RSRC1: variants seen among roughly 807,000 people sequenced by gnomAD.
The protein encoded by RSRC1 is serine/Arginine-related protein 53.
RSRC1 carries 39 observed loss-of-function variants against 49.1 expected under a neutral mutation model. The ratio of observed to expected loss-of-function variants is 0.79; its 90% CI spans 0.61 to 1.04. The LOEUF is 1.04. Ranked by LOEUF, RSRC1 falls within the 50% of genes least tolerant of loss-of-function variation. RSRC1 has a pLI of 0.00. For missense variants in RSRC1, 388 were observed against 402.4 expected, an observed-to-expected ratio of 0.96 and a Z score of 0.31; for synonymous variants, 143 against 130.8, an observed-to-expected ratio of 1.09 and a Z score of -0.63.
intron 6 of RSRC1, among the ~76,000 whole-genome samples, chr3:158,402,354 C>T (rs770672632): frequency 2.0e-5 from 3 of 151,624 alleles, no homozygotes; most frequent in Admixed American, 1.3e-4. Flanking sequence ...TTATAAACTT[C>T]GTATGTCCAT....
intron 4 of RSRC1, among the ~76,000 whole-genome samples, chr3:158,241,209 A>G (rs1723556247): frequency 6.6e-6 from 1 of 152,170 alleles, no homozygotes; most frequent in Non-Finnish European, 1.5e-5. Flanking sequence ...GCACTTTGGG[A>G]AGCCAAGGTG....
Position 158,196,789 on chromosome 3 carries a change from A to G in RSRC1, c.321-6283A>G, listed in dbSNP as rs995961574. Among the ~76,000 whole-genome samples the G allele has an allele frequency of 8.5e-5, 13 of 152,238 alleles. 1 individual carries two copies. The South Asian group carries it at 2.5e-3, about 29-fold the overall frequency. ...GGTTTTTGTCATTGGTTCTGTTAAT[A>G]TGCTGGATTATGCTTATTGATTTGT... On this transcript the variant is annotated intron_variant, in intron 3 of 9. Transcript: ENST00000611884.
At chr3:158,195,900 G>A (rs1197025762) in intron 3 of RSRC1, among the ~76,000 whole-genome samples, 3 of 151,940 alleles carry the variant, frequency 2.0e-5, no homozygotes, top group East Asian at 1.9e-4. Flanking sequence ...GGTTACTGTA[G>A]CCTTGTAGTA....
At chr3:158,404,500 T>C (rs904348471) in intron 6 of RSRC1, among the ~76,000 whole-genome samples, 3 of 151,982 alleles carry the variant, frequency 2.0e-5, no homozygotes, top group African/African-American at 2.4e-5. Context: ...TTGGGTCAAT[T>C]GTTTTGTCGT....
chr3:158,423,646 GAATCTGTAAATTACCTTGGGC>G (rs1735217244), intron 6 of RSRC1, among the ~76,000 whole-genome samples: 1 of 152,110 alleles, frequency 6.6e-6, no homozygotes, highest in Non-Finnish European at 1.5e-5. Context: ...GGATGGCATT[GAATCTGTAAATTACCTTGGGC>G]AGTATGGCCA....
intron 7 of RSRC1, among the ~76,000 whole-genome samples, chr3:158,473,107 G>T (rs1046583973): frequency 6.6e-6 from 1 of 152,128 alleles, no homozygotes; most frequent in Non-Finnish European, 1.5e-5. Context: ...ACAGTGTGGC[G>T]ATTCCTCGTG....
chr3:158,172,939 T>C (rs143615982), intron 3 of RSRC1, among the ~76,000 whole-genome samples: 6 of 152,216 alleles, frequency 3.9e-5, no homozygotes, highest in African/African-American at 1.2e-4. Flanking sequence ...TTCTTTTTTA[T>C]CCCCTTTGTA....
At chr3:158,197,122 A>G (rs185551113) in intron 3 of RSRC1, among the ~76,000 whole-genome samples, 5 of 152,284 alleles carry the variant, frequency 3.3e-5, no homozygotes, top group Admixed American at 1.3e-4. Context: ...CTGTGAATCC[A>G]TCTGGTCCTG....
At chr3:158,343,882 A>G (rs960592879) in intron 5 of RSRC1, among the ~76,000 whole-genome samples, 1 of 152,220 alleles carries the variant, frequency 6.6e-6, no homozygotes, top group Admixed American at 6.5e-5. Flanking sequence ...AGGAAGCAGC[A>G]GAAAAAGAGA....
chr3:158,397,174 G>A (rs974546800), intron 6 of RSRC1, among the ~76,000 whole-genome samples: 2 of 152,048 alleles, frequency 1.3e-5, no homozygotes, highest in African/African-American at 4.8e-5. Flanking sequence ...CAATTCTTAG[G>A]GAAGCATCTG....
At chr3:158,289,909 G>GTCTTTCTA (rs1726817069) in intron 4 of RSRC1, among the ~76,000 whole-genome samples, 1 of 143,502 alleles carries the variant, frequency 7.0e-6, no homozygotes, top group Non-Finnish European at 1.5e-5. Context: ...AAATTTATCT[G>GTCTTTCTA]TCTTTCTATC....
At chr3:158,421,604 A>G (rs1735059770) in intron 6 of RSRC1, among the ~76,000 whole-genome samples, 1 of 151,882 alleles carries the variant, frequency 6.6e-6, no homozygotes, top group Admixed American at 6.6e-5. Flanking sequence ...GGTTGTGAGA[A>G]GGTGAAATGA....
At chr3:158,503,602 G>A (rs1739712525) in intron 7 of RSRC1, among the ~76,000 whole-genome samples, 1 of 152,124 alleles carries the variant, frequency 6.6e-6, no homozygotes, top group Admixed American at 6.5e-5. Context: ...CCAGGTCAAT[G>A]AAGTTGAGTA....
chr3:158,144,126 G>T (rs1053906129), intron 3 of RSRC1, among the ~76,000 whole-genome samples: 1 of 152,114 alleles, frequency 6.6e-6, no homozygotes, highest in Non-Finnish European at 1.5e-5. Flanking sequence ...TTCAGAAATA[G>T]AAATTTTTTT....
chr3:158,522,426 C>T (rs948782792), intron 7 of RSRC1, among the ~76,000 whole-genome samples: 2 of 152,058 alleles, frequency 1.3e-5, no homozygotes, highest in Non-Finnish European at 2.9e-5. Context: ...TCCACCACAG[C>T]CTTCCAAACA....
chr3:158,192,757 G>GAT (rs1720321025), intron 3 of RSRC1, among the ~76,000 whole-genome samples: 1 of 152,044 alleles, frequency 6.6e-6, no homozygotes. Flanking sequence ...GATGATAGGT[G>GAT]ATATGGTCTT....
chr3:158,364,482 T>G (rs1731649243), intron 6 of RSRC1, among the ~76,000 whole-genome samples: 2 of 152,198 alleles, frequency 1.3e-5, no homozygotes, highest in South Asian at 4.1e-4. Context: ...TTATATTGTT[T>G]CACTAACAAA....
chr3:158,114,934 T>C, intron 1 of RSRC1, among the ~76,000 whole-genome samples: 1 of 152,218 alleles, frequency 6.6e-6, no homozygotes, highest in East Asian at 1.9e-4. Flanking sequence ...TATAGGATTA[T>C]GTCATCTGCA....
intron 4 of RSRC1, among the ~76,000 whole-genome samples, chr3:158,211,826 A>G (rs1721696107): frequency 7.2e-6 from 1 of 138,292 alleles, no homozygotes; most frequent in Non-Finnish European, 1.6e-5. Flanking sequence ...AATGGTCATC[A>G]TTTTATTTTT....
Sources: gnomAD v4.1 joint callset for allele counts (sites outside exome capture counted in the v4.1 genomes callset) on GRCh38, gnomAD v4.1.1 for gene constraint, MANE v1.5 for transcripts, NCBI Gene and HGNC (gene_info 2026-07-23, HGNC 2026-07-21) for gene names.